TFAP2D: variants seen among roughly 807,000 people sequenced by gnomAD.
TFAP2D encodes transcription factor AP-2 delta.
Under a neutral mutation model 43.6 loss-of-function variants are expected in TFAP2D, and 9 were observed. The observed-to-expected ratio is 0.21, with a 90% CI of 0.12 to 0.36. The LOEUF is 0.36. TFAP2D is among the 10% of genes least tolerant of loss of function. The pLI, the probability that TFAP2D is intolerant of heterozygous loss-of-function variation, is 1.00. For synonymous variants in TFAP2D, 256 were observed against 224.9 expected (o/e 1.14, Z -1.24); for missense variants, 513 against 561.4 (o/e 0.91, Z 0.87).
chr6:50,719,046 T>C, intron 2 of TFAP2D, 44 bp from the exon 3 acceptor site: 1 of 1,589,620 alleles, frequency 6.3e-7, no homozygotes, highest in Non-Finnish European at 8.6e-7. Flanking sequence ...GTCATGCATA[T>C]GAGTATCCAT....
At chr6:50,717,627 T>C (rs767630453) in intron 2 of TFAP2D, among the ~76,000 whole-genome samples, 1 of 152,232 alleles carries the variant, frequency 6.6e-6, no homozygotes, top group Non-Finnish European at 1.5e-5. Context: ...TATAGTACTG[T>C]GTGTGATATA....
At chr6:50,757,761 ATATAGAATATATATAAT>A (rs1769307435) in intron 7 of TFAP2D, among the ~76,000 whole-genome samples, 2 of 105,674 alleles carry the variant, frequency 1.9e-5, no homozygotes, top group Non-Finnish European at 3.6e-5. Flanking sequence ...TATTCTATAT[ATATAGAATATATATAAT>A]TATTCTATAT....
intron 3 of TFAP2D, among the ~76,000 whole-genome samples, chr6:50,723,087 A>G (rs559832020): frequency 3.4e-4 from 52 of 152,320 alleles, no homozygotes; most frequent in African/African-American, 1.2e-3. Flanking sequence ...ACGTTTTAAG[A>G]GAGTTTGAGT....
At chr6:50,771,193 G>T (rs2113897447) in intron 7 of TFAP2D, among the ~76,000 whole-genome samples, 1 of 152,276 alleles carries the variant, frequency 6.6e-6, no homozygotes, top group Middle Eastern at 3.4e-3. Flanking sequence ...ATGTTGGGTG[G>T]CTTACATAAG....
intron 5 of TFAP2D, among the ~76,000 whole-genome samples, chr6:50,740,378 TGTAAA>T (rs887126275): frequency 5.3e-5 from 8 of 152,292 alleles, no homozygotes; most frequent in African/African-American, 7.2e-5. Flanking sequence ...TTTTTAGTTG[TGTAAA>T]GTAATTTTTT....
At chr6:50,739,375 T>C (rs1241819960) in intron 5 of TFAP2D, among the ~76,000 whole-genome samples, 8 of 152,178 alleles carry the variant, frequency 5.3e-5, no homozygotes, top group African/African-American at 1.9e-4. Context: ...TCCAGCTACA[T>C]CCATGTCCCT....
intron 6 of TFAP2D, among the ~76,000 whole-genome samples, chr6:50,748,365 A>G (rs1204333941): frequency 6.6e-6 from 1 of 151,956 alleles, no homozygotes; most frequent in Non-Finnish European, 1.5e-5. Flanking sequence ...GTTCACCTTT[A>G]TTCATAAGAC....
chr6:50,741,318 C>A (rs992872693), intron 5 of TFAP2D, among the ~76,000 whole-genome samples: 2 of 152,110 alleles, frequency 1.3e-5, no homozygotes, highest in African/African-American at 2.4e-5. Context: ...TTCAGGGGTA[C>A]AAATGCAAGT....
rs80278479 is a variant in TFAP2D, at chr6:50,758,466, C to G, written c.1139+7142C>G. On this transcript the variant is annotated intron_variant, in intron 7 of 7. Coordinates refer to ENST00000008391, the MANE Select transcript of TFAP2D (RefSeq NM_172238.4). Reference sequence around the variant, plus strand: ...GAGTTACTTTCATCCTGGTTCCCTCCCACTTTCTAAAGGCAGTTCTCATGT... The same window carrying G: ...GAGTTACTTTCATCCTGGTTCCCTCGCACTTTCTAAAGGCAGTTCTCATGT... 3.0e-3 allele frequency among the ~76,000 whole-genome samples: 462 copies of G among 151,998 alleles called. 7 individuals carry two copies. Among genetic ancestry groups the G allele is most frequent in the Middle Eastern group, 0.01 (3 of 294 alleles).
chr6:50,718,766 A>G lies in TFAP2D; in HGVS notation c.538-324A>G, dbSNP rs1460949010. On this transcript the variant is annotated intron_variant, in intron 2 of 7. Transcript: ENST00000008391. ...AAAGTGCTGAGTGTACACTGTCTGTATATACGCTGTGTGCCTTGATGGGGA... is the reference window on the plus strand; with the variant it reads ...AAAGTGCTGAGTGTACACTGTCTGTGTATACGCTGTGTGCCTTGATGGGGA... 2.0e-5 allele frequency among the ~76,000 whole-genome samples: 3 copies of G among 152,304 alleles called. No individual in the cohort carries two copies. In the East Asian group the frequency reaches 5.8e-4, roughly 29 times the overall value.
chr6:50,768,333 C>CT lies in TFAP2D; in HGVS notation c.1140-4299dup, dbSNP rs35287000. Among the ~76,000 whole-genome samples, 133 of 124,344 alleles carry CT rather than the reference C, an allele frequency of 1.1e-3. 1 individual carries two copies. Among genetic ancestry groups the CT allele is most frequent in the Admixed American group, 2.4e-3 (29 of 11,924 alleles). 81.6% of individuals were successfully genotyped at this position (124,344 alleles called of 152,430 possible). A position where few individuals can be genotyped will look rare whatever the true frequency, so the allele number is the denominator to read the frequency against. On this transcript the variant is annotated intron_variant, in intron 7 of 7. Transcript: ENST00000008391. ...CTCTCTCCTTTTCTTTTTTCTCTCC[C>CT]TTTTTTTTTTTTTCTTTTGAGATAG...
intron 7 of TFAP2D, among the ~76,000 whole-genome samples, chr6:50,762,460 T>G (rs945165796): frequency 6.6e-6 from 1 of 151,974 alleles, no homozygotes; most frequent in African/African-American, 2.4e-5. Flanking sequence ...ATTCTTCAAA[T>G]CATTGAAATG....
At chr6:50,718,433 A>G (rs2114028738) in intron 2 of TFAP2D, among the ~76,000 whole-genome samples, 1 of 152,290 alleles carries the variant, frequency 6.6e-6, no homozygotes, top group African/African-American at 2.4e-5. Flanking sequence ...TTGATTTGGG[A>G]AAAAAGAAAA....
intron 6 of TFAP2D, among the ~76,000 whole-genome samples, chr6:50,745,548 G>A (rs1486583541): frequency 6.6e-6 from 1 of 152,124 alleles, no homozygotes; most frequent in African/African-American, 2.4e-5. Context: ...GTAGATCCCA[G>A]GCAAATATGT....
intron 5 of TFAP2D, among the ~76,000 whole-genome samples, chr6:50,733,499 T>C (rs568693669): frequency 1.4e-4 from 22 of 152,258 alleles, no homozygotes; most frequent in African/African-American, 5.1e-4. Flanking sequence ...TTTTATACTC[T>C]TCTAGAGTGG....
In TFAP2D at chr6:50,729,027, A is replaced by G. The variant is rs200153794; in HGVS notation, c.764+6A>G. 4 of 1,613,442 alleles carry G rather than the reference A, an allele frequency of 2.5e-6. No homozygotes were observed. The highest frequency in any genetic ancestry group is 1.1e-5 in the South Asian group (1 of 91,048). On this transcript the variant is annotated splice_donor_region_variant and intron_variant, in intron 4 of 7. Coordinates refer to ENST00000008391, the MANE Select transcript of TFAP2D (RefSeq NM_172238.4). ...TTGGGAGGCATTTTGAGAAGGTAAG[A>G]CAAAGCTATATTCTGGCACAGAATT...
chr6:50,722,856 A>C (rs1226387145), intron 3 of TFAP2D, among the ~76,000 whole-genome samples: 1 of 152,118 alleles, frequency 6.6e-6, no homozygotes, highest in Non-Finnish European at 1.5e-5. Context: ...AAAAAAGTGA[A>C]GAGGGGAAGC....
intron 3 of TFAP2D, among the ~76,000 whole-genome samples, chr6:50,721,473 G>A (rs1282005055): frequency 6.6e-6 from 1 of 152,276 alleles, no homozygotes; most frequent in African/African-American, 2.4e-5. Flanking sequence ...GGATAGCAGG[G>A]AAGTGTATTC....
intron 5 of TFAP2D, among the ~76,000 whole-genome samples, chr6:50,741,795 G>A (rs547679195): frequency 1.1e-4 from 17 of 151,908 alleles, no homozygotes; most frequent in Admixed American, 7.9e-4. Context: ...CAAGAACAAG[G>A]GTGTTCTACT....
Sources: gnomAD v4.1 joint callset for allele counts (sites outside exome capture counted in the v4.1 genomes callset) on GRCh38, gnomAD v4.1.1 for gene constraint, MANE v1.5 for transcripts, NCBI Gene and HGNC (gene_info 2026-07-23, HGNC 2026-07-21) for gene names.